ZP3: variants seen among roughly 807,000 people sequenced by gnomAD.
ZP3 encodes zona pellucida glycoprotein 3, also known as zona pellucida sperm-binding protein 3.
A neutral mutation model predicts 35.6 loss-of-function variants in ZP3; 21 were observed. The ratio of observed to expected loss-of-function variants is 0.59; its 90% confidence interval spans 0.42 to 0.85. The LOEUF (loss-of-function observed/expected upper bound fraction) is 0.85, where lower values mean the gene tolerates loss of function less well. ZP3 is among the 40% of genes least tolerant of loss of function. ZP3 has a pLI of 0.00. For missense variants in ZP3, 437 were observed against 536.5 expected (o/e 0.81, Z 1.83); for synonymous variants, 207 against 214.5 (o/e 0.96, Z 0.31).
intron 1 of ZP3, among the ~76,000 whole-genome samples, chr7:76,415,472 T>C (rs1805347709): frequency 6.6e-6 from 1 of 151,506 alleles, no homozygotes; most frequent in Non-Finnish European, 1.5e-5. Context: ...TTGATTCTTA[T>C]TTTAGATTTT....
At chr7:76,408,033 G>A (rs539676622) in intron 1 of ZP3, among the ~76,000 whole-genome samples, 10 of 152,320 alleles carry the variant, frequency 6.6e-5, no homozygotes, top group Admixed American at 2.6e-4. Flanking sequence ...TTGGGGGTCA[G>A]GGAGCTAGGA....
At chr7:76,412,962 C>CTTTTTTTTTTT (rs201143080) in intron 1 of ZP3, among the ~76,000 whole-genome samples, 47 of 113,750 alleles carry the variant, frequency 4.1e-4, no homozygotes, top group Middle Eastern at 6.0e-3. Context: ...TCTTCTTCTT[C>CTTTTTTTTTTT]TTCTTTTTTT....
intron 1 of ZP3, among the ~76,000 whole-genome samples, chr7:76,428,368 T>C (rs1805732343): frequency 6.6e-6 from 1 of 152,120 alleles, no homozygotes. Context: ...GGGTTTCCAG[T>C]GCTGGCTCTA....
intron 1 of ZP3, among the ~76,000 whole-genome samples, chr7:76,407,815 G>A (rs889575127): frequency 1.3e-5 from 2 of 152,196 alleles, no homozygotes; most frequent in Non-Finnish European, 2.9e-5. Flanking sequence ...TGTCCCAGAA[G>A]CCTCTCTCAC....
intron 1 of ZP3, among the ~76,000 whole-genome samples, chr7:76,426,481 A>G (rs1032895646): frequency 1.3e-5 from 2 of 152,152 alleles, no homozygotes; most frequent in African/African-American, 4.8e-5. Flanking sequence ...CCCTCCGGCC[A>G]GAGCTCTGGT....
intron 1 of ZP3, among the ~76,000 whole-genome samples, chr7:76,412,305 C>T (rs1452815040): frequency 1.3e-5 from 2 of 152,020 alleles, no homozygotes; most frequent in African/African-American, 4.8e-5. Context: ...TTAAAGCTCA[C>T]ACATTGTATG....
intron 5 of ZP3, among the ~76,000 whole-genome samples, chr7:76,438,549 A>AC (rs1456804491): frequency 6.7e-6 from 1 of 149,522 alleles, no homozygotes; most frequent in African/African-American, 2.5e-5. Flanking sequence ...AAAAAAAAAA[A>AC]AAAAAAAAGG....
chr7:76,418,595 A>G (rs969330575), intron 1 of ZP3, among the ~76,000 whole-genome samples: 35 of 138,680 alleles, frequency 2.5e-4, no homozygotes, highest in Admixed American at 2.3e-4. Flanking sequence ...AGTGGCTCAC[A>G]CCTATAATCC....
At chr7:76,400,327 T>C in intron 1 of ZP3, 1 of 1,505,028 alleles carries the variant, frequency 6.6e-7, no homozygotes, top group Non-Finnish European at 8.9e-7. Context: ...AAAGCAATTG[T>C]GGACGCCCCA....
chr7:76,426,874 CCACACACACACACACACA>C (rs369991319), intron 1 of ZP3, among the ~76,000 whole-genome samples: 4 of 126,692 alleles, frequency 3.2e-5, no homozygotes, highest in African/African-American at 1.2e-4. Context: ...CTACCAAACA[CCACACACACACACACACA>C]CACACACACA....
At chr7:76,412,154 C>T (rs1805261922) in intron 1 of ZP3, among the ~76,000 whole-genome samples, 1 of 148,204 alleles carries the variant, frequency 6.7e-6, no homozygotes, top group South Asian at 2.1e-4. Context: ...CGTCACTGCA[C>T]TCCAGCCTGG....
At chr7:76,416,658 G>A (rs1389996263) in intron 1 of ZP3, among the ~76,000 whole-genome samples, 1 of 151,762 alleles carries the variant, frequency 6.6e-6, no homozygotes, top group East Asian at 1.9e-4. Context: ...AAATAGCTGG[G>A]TGTACTGGCA....
chr7:76,437,154 G>A (rs1235471596), intron 5 of ZP3, among the ~76,000 whole-genome samples: 36 of 149,702 alleles, frequency 2.4e-4, no homozygotes, highest in African/African-American at 7.8e-4. Context: ...GCCCTCAACA[G>A]AGCAAGACCC....
At chr7:76,432,718 T>G (rs1238521581) in intron 2 of ZP3, among the ~76,000 whole-genome samples, 2 of 152,196 alleles carry the variant, frequency 1.3e-5, no homozygotes, top group Non-Finnish European at 2.9e-5. Context: ...TCAGTTAGGA[T>G]GGCTAGGCCA....
chr7:76,423,251 G>T (rs902632499), upstream of ZP3, among the ~76,000 whole-genome samples: 1 of 151,646 alleles, frequency 6.6e-6, no homozygotes, highest in Admixed American at 6.6e-5. Context: ...GAGAGGGAAA[G>T]ATATAGAGAT....
At chr7:76,432,785 G>A (rs1202526233) in intron 2 of ZP3, 142 bp from the exon 3 acceptor site, 9 of 656,150 alleles carry the variant, frequency 1.4e-5, no homozygotes, top group Non-Finnish European at 2.1e-5. Context: ...CAAGGTGTCT[G>A]TTCAGCCATC....
Position 76,425,036 on chromosome 7 carries a change from C to T in ZP3, c.72C>T (p.Pro24=), listed in dbSNP as rs1239571380. 1 of 1,601,588 alleles carries T rather than the reference C, an allele frequency of 6.2e-7. No homozygotes were observed. Among genetic ancestry groups the T allele is most frequent in the Non-Finnish European group, 8.5e-7 (1 of 1,174,506 alleles). ...WGSTELCYPQ[P]LWLLQGGASH... ...GTACTGAGCTGTGCTACCCCCAACCCCTCTGGCTCTTGCAGGGTGGAGCCA... is the reference window on the plus strand; with the variant it reads ...GTACTGAGCTGTGCTACCCCCAACCTCTCTGGCTCTTGCAGGGTGGAGCCA... Residue 24 remains proline, a synonymous_variant, in exon 1 of 8, where the codon CCC becomes CCT. Coordinates refer to ENST00000394857, the MANE Select transcript of ZP3 (RefSeq NM_001110354.2).
chr7:76,425,026 A>T lies in ZP3; in HGVS notation c.62A>T (p.Tyr21Phe). 1 of 1,591,244 alleles carries T rather than the reference A, an allele frequency of 6.3e-7. No individual in the cohort carries two copies. The highest frequency in any genetic ancestry group is 8.6e-7 in the Non-Finnish European group (1 of 1,169,462). ...LLLWGSTELC[Y>F]PQPLWLLQGG... Reference sequence around the variant, plus strand: ...CTCTGGGGTAGTACTGAGCTGTGCTACCCCCAACCCCTCTGGCTCTTGCAG... The same window carrying T: ...CTCTGGGGTAGTACTGAGCTGTGCTTCCCCCAACCCCTCTGGCTCTTGCAG... The change falls in exon 1 of 8, where the codon TAC becomes TTC. Residue 21 changes from tyrosine to phenylalanine, a missense_variant. Transcript: ENST00000394857.
In ZP3 at chr7:76,402,131, C is replaced by T. The variant is rs963347343; in HGVS notation, c.-67+4334C>T. On this transcript the variant is annotated intron_variant, in intron 1 of 8. Transcript: ENST00000336517. ...AATACCGGAGTTCAATCCATCCTCC[C>T]GCCTCAGCCTCCAGAATAGCTGGGA... Among the ~76,000 whole-genome samples, 17 of 151,416 alleles carry T rather than the reference C, an allele frequency of 1.1e-4. 1 individual carries two copies. Among genetic ancestry groups the T allele is most frequent in the Admixed American group, 1.3e-4 (2 of 15,122 alleles).
Sources: allele counts gnomAD v4.1 joint callset (sites outside exome capture counted in the v4.1 genomes callset), GRCh38; gene constraint gnomAD v4.1.1; transcripts MANE v1.5; gene names NCBI Gene and HGNC (gene_info 2026-07-23, HGNC 2026-07-21).